Variants in SNX14 observed in about 807,000 individuals in gnomAD.
SNX14 encodes sorting nexin 14, also known as sorting nexin-14.
Under a neutral mutation model 133.8 loss-of-function variants are expected in SNX14, and 93 were observed. That is an observed-to-expected ratio of 0.70 (90% CI 0.59 to 0.83). SNX14 has a LOEUF of 0.83. Among genes scored for constraint, SNX14 ranks in the 40% least tolerant of loss-of-function variants. The pLI is 0.00. For synonymous variants in SNX14, 368 were observed against 365.6 expected (o/e 1.01, Z -0.07); for missense variants, 945 against 1,094.9 (o/e 0.86, Z 1.93).
chr6:85,521,219 C>T (rs1009406355), intron 21 of SNX14, among the ~76,000 whole-genome samples: 3 of 151,988 alleles, frequency 2.0e-5, no homozygotes, highest in Non-Finnish European at 4.4e-5. Context: ...TATTGATTTC[C>T]TCTTTTGTGA....
At chr6:85,549,921 A>C (rs765671090) in intron 7 of SNX14, 42 bp from the exon 8 acceptor site, 2 of 1,540,044 alleles carry the variant, frequency 1.3e-6, no homozygotes, top group South Asian at 2.4e-5. Flanking sequence ...GTTAAGTGAC[A>C]TTAAATAATT....
intron 6 of SNX14, 36 bp from the exon 7 acceptor site, chr6:85,558,096 T>G: frequency 9.5e-7 from 1 of 1,054,272 alleles, no homozygotes; most frequent in Admixed American, 1.9e-5. Flanking sequence ...TTAAAATAAT[T>G]ATCACTAAGT....
intron 28 of SNX14, 100 bp downstream of exon 28, chr6:85,507,133 G>T: frequency 9.1e-7 from 1 of 1,101,672 alleles, no homozygotes; most frequent in Non-Finnish European, 1.3e-6. Context: ...GAACCACAGA[G>T]AACAGAGACA....
chr6:85,533,504 T>C, intron 18 of SNX14, 95 bp downstream of exon 18: 2 of 1,132,630 alleles, frequency 1.8e-6, no homozygotes, highest in Non-Finnish European at 2.5e-6. Flanking sequence ...GCAGCCATAT[T>C]TGTTAGTTAG....
chr6:85,536,167 T>C (rs981662881), intron 17 of SNX14, among the ~76,000 whole-genome samples: 1 of 152,190 alleles, frequency 6.6e-6, no homozygotes, highest in Non-Finnish European at 1.5e-5. Context: ...TGGGGAACAG[T>C]TGCATTTTGA....
intron 7 of SNX14, among the ~76,000 whole-genome samples, chr6:85,552,075 C>A (rs1388108226): frequency 5.6e-5 from 7 of 125,304 alleles, no homozygotes; most frequent in Non-Finnish European, 1.1e-4. Flanking sequence ...CTCGCTCTGT[C>A]GCCCAGGCTG....
intron 5 of SNX14, 85 bp downstream of exon 5, chr6:85,567,449 C>A (rs1474076096): frequency 9.0e-6 from 9 of 1,001,524 alleles, no homozygotes; most frequent in Non-Finnish European, 1.5e-6. Flanking sequence ...AAATCCTGGT[C>A]TACATGAAAA....
At chr6:85,552,800 C>A (rs571309064) in intron 7 of SNX14, among the ~76,000 whole-genome samples, 2 of 152,284 alleles carry the variant, frequency 1.3e-5, no homozygotes, top group East Asian at 3.9e-4. Context: ...AAATTTCTTC[C>A]TGAGGGGCCT....
At position 85,593,834 on chromosome 6, in the gene SNX14, C is replaced by T. The variant is rs894703071; in HGVS notation, c.-116G>A. 2 of 1,529,254 alleles carry T rather than the reference C, an allele frequency of 1.3e-6. No homozygotes were observed. The highest frequency in any genetic ancestry group is 8.7e-7 in the Non-Finnish European group (1 of 1,145,056). The allele number at this position is 1,529,254 out of a possible 1,614,324, so 94.7% of individuals were successfully genotyped here. A position where few individuals can be genotyped will look rare whatever the true frequency, so the allele number is the denominator to read the frequency against. On this transcript the variant is annotated 5_prime_UTR_variant, in exon 1 of 29. Transcript: ENST00000314673. ...CTTGGCGGCGCACACAGACGCCTAC[C>T]GGCAGTTAGCCGCCGCAGGCTGAGG...
At position 85,505,882 on chromosome 6, in the gene SNX14, A is replaced by G. The variant is rs1309880342; in HGVS notation, c.*85T>C. 11 of 864,526 alleles carry G rather than the reference A, an allele frequency of 1.3e-5. No homozygotes were observed. The highest frequency in any genetic ancestry group is 3.9e-5 in the Admixed American group (2 of 50,940). The allele number at this position is 864,526 out of a possible 1,614,324, so 53.6% of individuals were successfully genotyped here. The stretch of plus-strand genomic sequence containing the variant: ...TCAGACAGCGATGTACATAATATAT[A>G]TAAGAATATACCCAAAAAAGTAAAT... On this transcript the variant is annotated 3_prime_UTR_variant, in exon 29 of 29. Transcript: ENST00000314673.
intron 8 of SNX14, among the ~76,000 whole-genome samples, 193 bp downstream of exon 8, chr6:85,549,530 C>T (rs1331046184): frequency 6.6e-6 from 1 of 152,024 alleles, no homozygotes; most frequent in Non-Finnish European, 1.5e-5. Context: ...CAACACACCA[C>T]AAATAGCACT....
At chr6:85,541,386 A>C (rs1009707398) in intron 15 of SNX14, among the ~76,000 whole-genome samples, 43 of 152,316 alleles carry the variant, frequency 2.8e-4, no homozygotes, top group Admixed American at 2.2e-3. Context: ...TTATGTCTAC[A>C]TTTTATTATT....
At chr6:85,574,589 C>A (rs959737254) in intron 1 of SNX14, among the ~76,000 whole-genome samples, 10 of 152,084 alleles carry the variant, frequency 6.6e-5, no homozygotes, top group African/African-American at 2.4e-4. Context: ...GATAAGGAAG[C>A]ATAAATGATC....
intron 21 of SNX14, among the ~76,000 whole-genome samples, chr6:85,521,420 T>C (rs1776806833): frequency 6.6e-6 from 1 of 152,114 alleles, no homozygotes; most frequent in South Asian, 2.1e-4. Context: ...TGTTTTTTTT[T>C]CGTAGAGACA....
chr6:85,586,022 A>C (rs1800730532), intron 1 of SNX14, among the ~76,000 whole-genome samples: 1 of 151,606 alleles, frequency 6.6e-6, no homozygotes, highest in African/African-American at 2.4e-5. Flanking sequence ...AATCTAATTG[A>C]GCCTATAGAT....
intron 1 of SNX14, among the ~76,000 whole-genome samples, chr6:85,584,909 A>G (rs1346346756): frequency 1.3e-5 from 2 of 152,208 alleles, no homozygotes; most frequent in Non-Finnish European, 2.9e-5. Flanking sequence ...GTATATACCC[A>G]AAGAATTATA....
chr6:85,551,048 T>C (rs561535232), intron 7 of SNX14, among the ~76,000 whole-genome samples: 1 of 152,338 alleles, frequency 6.6e-6, no homozygotes, highest in East Asian at 1.9e-4. Flanking sequence ...CGCAAAGTGC[T>C]GGGATTACAG....
intron 5 of SNX14, among the ~76,000 whole-genome samples, chr6:85,566,870 T>C (rs2128173325): frequency 6.6e-6 from 1 of 152,262 alleles, no homozygotes; most frequent in East Asian, 1.9e-4. Flanking sequence ...TGATATAAGT[T>C]GGATCTCTCT....
chr6:85,508,202 T>C, intron 26 of SNX14, 143 bp from the exon 27 acceptor site: 6 of 1,352,516 alleles, frequency 4.4e-6, no homozygotes, highest in Non-Finnish European at 5.7e-6. Flanking sequence ...AGTGTTTCTA[T>C]AAGAGGCTCC....
Sources: gnomAD v4.1 joint callset for allele counts (sites outside exome capture counted in the v4.1 genomes callset) on GRCh38, gnomAD v4.1.1 for gene constraint, MANE v1.5 for transcripts, NCBI Gene and HGNC (gene_info 2026-07-23, HGNC 2026-07-21) for gene names.